CYTH3: variants seen among roughly 807,000 people sequenced by gnomAD.
CYTH3 encodes cytohesin 3, also known as cytohesin-3.
Under a neutral mutation model 55.1 loss-of-function variants are expected in CYTH3, and 23 were observed. That is an observed-to-expected ratio of 0.42 (90% CI 0.30 to 0.59). CYTH3 has a LOEUF of 0.59. Among genes scored for constraint, CYTH3 ranks in the 20% least tolerant of loss-of-function variants. CYTH3 has a pLI of 0.20. For missense variants in CYTH3, 413 were observed against 524.8 expected (o/e 0.79, Z 2.08); for synonymous variants, 249 against 194.9 (o/e 1.28, Z -2.31).
At chr7:6,185,148 T>C (rs543251147) in intron 4 of CYTH3, among the ~76,000 whole-genome samples, 6 of 152,256 alleles carry the variant, frequency 3.9e-5, no homozygotes, top group East Asian at 1.9e-4. Context: ...ATTCACAAAA[T>C]TGACAATTTT....
At position 6,169,039 on chromosome 7, in the gene CYTH3, G is replaced by C. The variant is rs745667651; in HGVS notation, c.823+1496C>G. Among the ~76,000 whole-genome samples the C allele has an allele frequency of 4.7e-4, 72 of 152,206 alleles. No homozygotes were observed. The highest frequency in any genetic ancestry group is 9.0e-4 in the Non-Finnish European group (61 of 68,044). On this transcript the variant is annotated intron_variant, in intron 9 of 12. Coordinates refer to ENST00000350796, the MANE Select transcript of CYTH3 (RefSeq NM_004227.4). This position sits in a 1 kb window ranked among gnomAD's most constrained non-coding sequence, Gnocchi z 4.1. ...GGGTCTCTCAGGCACCCGAGCCAAA[G>C]ACCATGGTACTAGGTTTTCAGGCAA...
In CYTH3 at chr7:6,171,126, G is replaced by A. The variant is rs1783177900; in HGVS notation, c.562+76C>T. 3.2e-6 allele frequency: 5 copies of A among 1,587,172 alleles called. No homozygotes were observed. The highest frequency in any genetic ancestry group is 1.7e-4 in the Middle Eastern group (1 of 5,960). ...GGTCCCCAGGAACACACGCTGGGCTGTGCCCACAGGGGCCGCCCCCTCCAG... is the reference window on the plus strand; with the variant it reads ...GGTCCCCAGGAACACACGCTGGGCTATGCCCACAGGGGCCGCCCCCTCCAG... On this transcript the variant is annotated intron_variant, in intron 7 of 12. Coordinates refer to ENST00000350796, the MANE Select transcript of CYTH3 (RefSeq NM_004227.4). This position sits in a 1 kb window ranked among gnomAD's most constrained non-coding sequence, Gnocchi z 6.7.
In CYTH3 at chr7:6,246,361, C is replaced by T. The variant is rs901822193; in HGVS notation, c.34+26113G>A. Among the ~76,000 whole-genome samples the T allele has an allele frequency of 7.2e-5, 11 of 152,216 alleles. No individual in the cohort carries two copies. In the South Asian group the frequency reaches 2.3e-3, roughly 32 times the overall value. ...GGGATTATAGCCACGAGCTACCATG[C>T]CAGACCAAAATTCTAAGTAAGTTTT... On this transcript the variant is annotated intron_variant, in intron 1 of 12. Transcript: ENST00000350796.
At position 6,164,851 on chromosome 7, in the gene CYTH3, ACTGCCTCC is replaced by A; in HGVS notation, c.*85_*92del. On this transcript the variant is annotated 3_prime_UTR_variant, in exon 13 of 13. Coordinates refer to ENST00000350796, the MANE Select transcript of CYTH3 (RefSeq NM_004227.4). The stretch of plus-strand genomic sequence containing the variant: ...GAGCAGCAGCTTGCACCGCAGGGCG[ACTGCCTCC>A]CTGCCACGCCTTCCGCGGAGGGGCC... 2.2e-6 allele frequency: 3 copies of A among 1,385,070 alleles called. No homozygotes were observed. The highest frequency in any genetic ancestry group is 3.1e-6 in the Non-Finnish European group (3 of 976,158). 85.8% of individuals were successfully genotyped at this position (1,385,070 alleles called of 1,614,324 possible). A position where few individuals can be genotyped will look rare whatever the true frequency, so the allele number is the denominator to read the frequency against.
chr7:6,252,552 C>G (rs996755929), intron 1 of CYTH3, among the ~76,000 whole-genome samples: 3 of 152,002 alleles, frequency 2.0e-5, no homozygotes, highest in African/African-American at 7.2e-5. Flanking sequence ...TTTTCCCACC[C>G]TGCCCTTTCC....
rs756118165 is a variant in CYTH3, at chr7:6,170,657, G to A, written c.712-11C>T. On this transcript the variant is annotated splice_polypyrimidine_tract_variant and intron_variant, in intron 8 of 12. Transcript: ENST00000350796. This position sits in a 1 kb window ranked among gnomAD's most constrained non-coding sequence, Gnocchi z 7.8. ...GCTCTCATACAAATTCTGCAAGGAG[G>A]GAAAACAGCAGCCAGTTCAGAGACT... The A allele has an allele frequency of 1.9e-6, 3 of 1,611,832 alleles. No homozygotes were observed. The highest frequency in any genetic ancestry group is 2.5e-6 in the Non-Finnish European group (3 of 1,178,822).
intron 1 of CYTH3, among the ~76,000 whole-genome samples, chr7:6,267,649 G>T (rs993026217): frequency 6.6e-6 from 1 of 152,172 alleles, no homozygotes; most frequent in South Asian, 2.1e-4. Flanking sequence ...TCAGCCTCTC[G>T]AGCAGCTGGG....
intron 4 of CYTH3, among the ~76,000 whole-genome samples, chr7:6,184,738 C>A (rs1272604478): frequency 1.3e-5 from 2 of 152,198 alleles, no homozygotes; most frequent in African/African-American, 4.8e-5. Flanking sequence ...ACCACCACGC[C>A]CAGCTAATTT....
At chr7:6,253,101 T>C (rs1780014113) in intron 1 of CYTH3, among the ~76,000 whole-genome samples, 2 of 152,058 alleles carry the variant, frequency 1.3e-5, no homozygotes, top group Admixed American at 1.3e-4. Flanking sequence ...AATTAAAAAA[T>C]TAAAGAAACT....
At chr7:6,165,638 C>A (rs377725186) in intron 10 of CYTH3, 22 bp from the exon 11 acceptor site, 9 of 1,613,086 alleles carry the variant, frequency 5.6e-6, no homozygotes, top group Non-Finnish European at 7.6e-6. Context: ...AAGTACACGG[C>A]GGGGCTCACT....
At chr7:6,202,136 G>A (rs1784070953) in intron 1 of CYTH3, among the ~76,000 whole-genome samples, 1 of 152,200 alleles carries the variant, frequency 6.6e-6, no homozygotes, top group Non-Finnish European at 1.5e-5. Flanking sequence ...ATTTGACAGT[G>A]GGCAGGGCCC....
intron 1 of CYTH3, among the ~76,000 whole-genome samples, chr7:6,248,441 G>A (rs911797823): frequency 3.3e-5 from 5 of 152,110 alleles, no homozygotes; most frequent in Admixed American, 1.3e-4. Context: ...TGAGCCTATC[G>A]TGTTGCTTTT....
chr7:6,205,875 TAAAAAAAAAAAAAAAAAAA>T (rs370194149), intron 1 of CYTH3, among the ~76,000 whole-genome samples: 2 of 28,074 alleles, frequency 7.1e-5, no homozygotes, highest in African/African-American at 3.1e-4. Context: ...TCCTATCTCT[TAAAAAAAAAAAAAAAAAAA>T]AAAAAAAAAA....
At chr7:6,231,918 A>T (rs1468745849) in intron 1 of CYTH3, among the ~76,000 whole-genome samples, 1 of 152,154 alleles carries the variant, frequency 6.6e-6, no homozygotes, top group Non-Finnish European at 1.5e-5. Flanking sequence ...CAGGCTCTCC[A>T]ACGAGCCTGA....
intron 1 of CYTH3, among the ~76,000 whole-genome samples, chr7:6,249,111 G>A (rs1019206830): frequency 1.3e-5 from 2 of 152,202 alleles, no homozygotes; most frequent in African/African-American, 4.8e-5. Context: ...GATGAAGCTA[G>A]CTATGTCTTC....
At position 6,251,633 on chromosome 7, in the gene CYTH3, G is replaced by A. The variant is rs541199440; in HGVS notation, c.34+20841C>T. Among the ~76,000 whole-genome samples the A allele has an allele frequency of 1.3e-3, 198 of 152,200 alleles. 1 individual carries two copies. The highest frequency in any genetic ancestry group is 9.5e-3 in the South Asian group (46 of 4,818). On this transcript the variant is annotated intron_variant, in intron 1 of 12. Coordinates refer to ENST00000350796, the MANE Select transcript of CYTH3 (RefSeq NM_004227.4). ...GAAGTGCCACTGGTTTATTATTTCC[G>A]TAAAGTTTAAACAGCCTTAAGACAC...
chr7:6,190,869 G>A (rs1174968013), intron 1 of CYTH3, among the ~76,000 whole-genome samples: 1 of 151,886 alleles, frequency 6.6e-6, no homozygotes, highest in Non-Finnish European at 1.5e-5. Flanking sequence ...TTGAGGTCAG[G>A]AGTTTGAGAC....
In CYTH3 at chr7:6,163,682, C is replaced by G. The variant is rs1039083418; in HGVS notation, c.*1262G>C. The stretch of plus-strand genomic sequence containing the variant: ...TCCACCACCGGCGTCTATCTGGGTT[C>G]TCTACGTGCCGGGCCTCTGCACCCC... On this transcript the variant is annotated 3_prime_UTR_variant, in exon 13 of 13. Coordinates refer to ENST00000350796, the MANE Select transcript of CYTH3 (RefSeq NM_004227.4). The G allele has an allele frequency of 6.6e-6, 1 of 152,250 alleles. No individual in the cohort carries two copies. The highest frequency in any genetic ancestry group is 2.4e-5 in the African/African-American group (1 of 41,432). The allele number at this position is 152,250 out of a possible 1,614,324, so 9.4% of individuals were successfully genotyped here. A position where few individuals can be genotyped will look rare whatever the true frequency, so the allele number is the denominator to read the frequency against.
intron 1 of CYTH3, among the ~76,000 whole-genome samples, chr7:6,236,282 C>T (rs1298470788): frequency 1.3e-5 from 2 of 150,538 alleles, no homozygotes; most frequent in African/African-American, 4.9e-5. Flanking sequence ...TGCTTCACTG[C>T]AGCTTTGACC....
Sources: gnomAD v4.1 joint callset for allele counts (sites outside exome capture counted in the v4.1 genomes callset) on GRCh38, gnomAD v4.1.1 for gene constraint, Gnocchi (gnomAD v3.1) non-coding constraint, MANE v1.5 for transcripts, NCBI Gene and HGNC (gene_info 2026-07-23, HGNC 2026-07-21) for gene names.